The following RHOT1 variants were observed in gnomAD, a reference collection of about 807,000 sequenced individuals.
RHOT1 encodes the protein ras homolog family member T1.
RHOT1 carries 27 observed loss-of-function variants against 95.3 expected under a neutral mutation model. The observed-to-expected ratio is 0.28, with a 90% confidence interval of 0.21 to 0.39. The LOEUF is 0.39. RHOT1 is among the 10% of genes least tolerant of loss of function. The pLI, the probability that RHOT1 is intolerant of heterozygous loss-of-function variation, is 1.00. For synonymous variants in RHOT1, 227 were observed against 263.5 expected (o/e 0.86, Z 1.34); for missense variants, 578 against 786.7 (o/e 0.73, Z 3.17).
chr17:32,170,157 G>C (rs1054092610), intron 1 of RHOT1, among the ~76,000 whole-genome samples: 1 of 152,214 alleles, frequency 6.6e-6, no homozygotes, highest in African/African-American at 2.4e-5. Flanking sequence ...GCTCACGCCT[G>C]TAATCCCAGC....
At chr17:32,198,868 C>T (rs1009919612) in intron 11 of RHOT1, 79 bp from the exon 12 acceptor site, 1 of 923,570 alleles carries the variant, frequency 1.1e-6, no homozygotes, top group African/African-American at 1.7e-5. Context: ...TCACAAAAGA[C>T]TTGTTGCAAT....
chr17:32,165,016 C>T (rs983537375), intron 1 of RHOT1, among the ~76,000 whole-genome samples: 2 of 150,844 alleles, frequency 1.3e-5, no homozygotes, highest in African/African-American at 2.4e-5. Context: ...AACAGCAAAA[C>T]AAAAAACAAA....
Position 32,224,819 on chromosome 17 carries a change from AT to A in RHOT1, c.*89del. 1 of 756,466 alleles carries A rather than the reference AT, an allele frequency of 1.3e-6. No homozygotes were observed. The highest frequency in any genetic ancestry group is 2.2e-6 in the Non-Finnish European group (1 of 453,982). 46.9% of individuals were successfully genotyped at this position (756,466 alleles called of 1,614,324 possible). ...TAAGTTCTGCTAGAATTATTGAGAT[AT>A]TTATACATGCAGAGTTACTTTATTA... On this transcript the variant is annotated 3_prime_UTR_variant, in exon 20 of 20. Coordinates refer to ENST00000545287, the MANE Select transcript of RHOT1 (RefSeq NM_001033566.3).
At chr17:32,178,141 C>A (rs1476770719) in intron 6 of RHOT1, among the ~76,000 whole-genome samples, 1 of 151,972 alleles carries the variant, frequency 6.6e-6, no homozygotes, top group Non-Finnish European at 1.5e-5. Context: ...GTCGATCGAC[C>A]ACCCAGCTAG....
intron 6 of RHOT1, among the ~76,000 whole-genome samples, chr17:32,182,310 CTACAAAAAAAAAAAATTTTT>C (rs2035701212): frequency 6.6e-6 from 1 of 151,214 alleles, no homozygotes; most frequent in Non-Finnish European, 1.5e-5. Flanking sequence ...AGACCCTTCT[CTACAAAAAAAAAAAATTTTT>C]TTTTAATTTG....
chr17:32,209,314 C>T (rs756321524), intron 18 of RHOT1: 2 of 1,165,156 alleles, frequency 1.7e-6, no homozygotes, highest in South Asian at 1.6e-5. Flanking sequence ...TTATGTTTTA[C>T]CTTTGCTTTA....
At chr17:32,190,011 A>G (rs1413439914) in intron 8 of RHOT1, among the ~76,000 whole-genome samples, 1 of 152,014 alleles carries the variant, frequency 6.6e-6, no homozygotes, top group Non-Finnish European at 1.5e-5. Flanking sequence ...CCAGCCAAAT[A>G]CCATAATTTT....
Position 32,194,026 on chromosome 17 carries a change from G to C in RHOT1, c.788G>C (p.Arg263Thr). The change falls in exon 11 of 20, where the codon AGA becomes ACA. Residue 263 changes from arginine to threonine, a missense_variant. Physicochemically the swap from Arg to Thr is moderately conservative, Grantham distance 71. Around this residue, in one of 4 missense-constraint regions of RHOT1, gnomAD observed 227 missense variants for 316.0 expected, o/e 0.72. Transcript: ENST00000545287. ...FLHTLFIQRG[R>T]HETTWTVLRR... ...CACACACTTTTTATCCAGAGAGGGA[G>C]ACACGAAACTACTTGGACTGTGCTT... The C allele has an allele frequency of 6.2e-7, 1 of 1,613,984 alleles. No homozygotes were observed. Among genetic ancestry groups the C allele is most frequent in the Non-Finnish European group, 8.5e-7 (1 of 1,179,856 alleles).
intron 1 of RHOT1, among the ~76,000 whole-genome samples, chr17:32,145,261 C>T (rs2031136536): frequency 6.6e-6 from 1 of 152,144 alleles, no homozygotes; most frequent in African/African-American, 2.4e-5. Flanking sequence ...GATCACACCA[C>T]TGCATTCCAA....
At chr17:32,205,423 A>T (rs2037643476) in intron 16 of RHOT1, among the ~76,000 whole-genome samples, 2 of 152,186 alleles carry the variant, frequency 1.3e-5, no homozygotes, top group African/African-American at 2.4e-5. Flanking sequence ...AGAAATTAAT[A>T]TGAAAACCCT....
At chr17:32,159,545 G>C (rs1158891555) in intron 1 of RHOT1, 1 of 152,386 alleles carries the variant, frequency 6.6e-6, no homozygotes, top group East Asian at 1.9e-4. Flanking sequence ...GAAGCCTGTG[G>C]GCTTGGAGAT....
intron 1 of RHOT1, among the ~76,000 whole-genome samples, chr17:32,160,530 C>A (rs1344555236): frequency 6.6e-6 from 1 of 152,182 alleles, no homozygotes; most frequent in Non-Finnish European, 1.5e-5. Flanking sequence ...GAGCTGCAGT[C>A]CTTCAGGGAG....
At chr17:32,206,192 C>CTTTTTTTTTTTTTTTTTT (rs71144812) in intron 16 of RHOT1, among the ~76,000 whole-genome samples, 1 of 60,518 alleles carries the variant, frequency 1.7e-5, no homozygotes, top group African/African-American at 7.7e-5. Context: ...TCCATAGAAT[C>CTTTTTTTTTTTTTTTTTT]TTTTTTTTTT....
intron 1 of RHOT1, chr17:32,160,371 C>A (rs796317808): frequency 1.3e-5 from 2 of 152,248 alleles, no homozygotes; most frequent in African/African-American, 4.8e-5. Flanking sequence ...TTGTCTTGCT[C>A]AGCCTCCACT....
chr17:32,149,629 A>ATTTGTGTGTGTGTGTG (rs1204046813), intron 1 of RHOT1, among the ~76,000 whole-genome samples: 1 of 87,490 alleles, frequency 1.1e-5, no homozygotes, highest in Admixed American at 1.1e-4. Flanking sequence ...ATATATATAT[A>ATTTGTGTGTGTGTGTG]TATATATGTG....
intron 1 of RHOT1, chr17:32,150,832 T>C (rs1173012116): frequency 1.3e-6 from 2 of 1,527,060 alleles, no homozygotes; most frequent in Non-Finnish European, 8.9e-7. Context: ...GTCTAAGAGC[T>C]GAGGTGGAAG....
intron 11 of RHOT1, among the ~76,000 whole-genome samples, chr17:32,195,935 G>A (rs1354165261): frequency 1.3e-5 from 2 of 152,084 alleles, no homozygotes; most frequent in South Asian, 2.1e-4. Context: ...TCTTAAGTAT[G>A]ACAGTTAGGA....
At chr17:32,145,907 T>C (rs1050310055) in intron 1 of RHOT1, among the ~76,000 whole-genome samples, 2 of 152,106 alleles carry the variant, frequency 1.3e-5, no homozygotes, top group African/African-American at 2.4e-5. Context: ...TTCCAGCTAC[T>C]TGAGAGGCTG....
intron 19 of RHOT1, among the ~76,000 whole-genome samples, chr17:32,223,940 T>C (rs1207141720): frequency 6.6e-6 from 1 of 152,212 alleles, no homozygotes; most frequent in Non-Finnish European, 1.5e-5. Flanking sequence ...TTTTATGTCA[T>C]TGCCTTTCAA....
Sources: allele counts gnomAD v4.1 joint callset (sites outside exome capture counted in the v4.1 genomes callset), GRCh38; gene constraint gnomAD v4.1.1; regional missense constraint gnomAD v4.1.1; transcripts MANE v1.5; gene names NCBI Gene and HGNC (gene_info 2026-07-23, HGNC 2026-07-21).